The following CPNE8 variants were observed in gnomAD, a reference collection of about 807,000 sequenced individuals.
CPNE8 encodes copine-8.
Under a neutral mutation model 81.5 loss-of-function variants are expected in CPNE8, and 45 were observed. The ratio of observed to expected loss-of-function variants is 0.55; its 90% confidence interval spans 0.44 to 0.71. The LOEUF (loss-of-function observed/expected upper bound fraction) is 0.71, where lower values mean the gene tolerates loss of function less well. CPNE8 is among the 30% of genes least tolerant of loss of function. The pLI is 0.00. For missense variants in CPNE8, 594 were observed against 672.1 expected (o/e 0.88, Z 1.28); for synonymous variants, 252 against 226.3 (o/e 1.11, Z -1.02).
intron 17 of CPNE8, chr12:38,676,376 A>G: frequency 1.2e-6 from 1 of 857,604 alleles, no homozygotes; most frequent in African/African-American, 1.8e-5. Context: ...TCCACTTTCT[A>G]CTCTCAGACA....
chr12:38,803,696 T>A (rs1942746518), intron 6 of CPNE8, among the ~76,000 whole-genome samples: 1 of 150,268 alleles, frequency 6.7e-6, no homozygotes, highest in African/African-American at 2.4e-5. Flanking sequence ...GGTATTCAAT[T>A]AGGAAAAAAA....
At chr12:38,871,257 T>A (rs1210944276) in intron 3 of CPNE8, among the ~76,000 whole-genome samples, 1 of 152,324 alleles carries the variant, frequency 6.6e-6, no homozygotes, top group Non-Finnish European at 1.5e-5. Context: ...CTTTATCCAA[T>A]AAAGTTTCCA....
At chr12:38,792,297 G>GT (rs34511928) in intron 6 of CPNE8, among the ~76,000 whole-genome samples, 56,284 of 145,786 alleles carry the variant, frequency 0.39, 10,955 homozygotes, top group Non-Finnish European at 0.43. Flanking sequence ...GAAACTAAGA[G>GT]TTTTTTTTTT....
chr12:38,757,097 T>C (rs897237041), intron 10 of CPNE8, among the ~76,000 whole-genome samples: 12 of 152,262 alleles, frequency 7.9e-5, no homozygotes, highest in Admixed American at 3.3e-4. Context: ...ATTTCCATTG[T>C]ACAATGTTAG....
At chr12:38,676,155 G>T (rs1326177610) in intron 17 of CPNE8, 29 of 447,716 alleles carry the variant, frequency 6.5e-5, no homozygotes, top group Non-Finnish European at 7.7e-5. Context: ...TAATAATTAA[G>T]AAGCAAATAT....
chr12:38,824,470 C>T (rs1438940980), intron 6 of CPNE8, among the ~76,000 whole-genome samples: 5 of 151,854 alleles, frequency 3.3e-5, no homozygotes, highest in African/African-American at 4.8e-5. Flanking sequence ...AAAAGACTAT[C>T]TCTGAGGAGA....
intron 6 of CPNE8, among the ~76,000 whole-genome samples, chr12:38,798,812 T>C (rs149214428): frequency 0.013 from 1,977 of 152,158 alleles, 51 homozygotes; most frequent in African/African-American, 0.044. Flanking sequence ...CTATCTCACA[T>C]GCAGAGACAC....
At chr12:38,809,467 A>C (rs2136983178) in intron 6 of CPNE8, among the ~76,000 whole-genome samples, 1 of 152,296 alleles carries the variant, frequency 6.6e-6, no homozygotes, top group South Asian at 2.1e-4. Context: ...TCCTATCTTA[A>C]GGTCAGCTAA....
chr12:38,793,914 T>C (rs1942390499), intron 6 of CPNE8, among the ~76,000 whole-genome samples: 1 of 152,030 alleles, frequency 6.6e-6, no homozygotes, highest in South Asian at 2.1e-4. Context: ...AAATACACCC[T>C]AATGTACATG....
chr12:38,851,608 C>T (rs906870153), intron 3 of CPNE8, among the ~76,000 whole-genome samples: 2 of 152,182 alleles, frequency 1.3e-5, no homozygotes, highest in Non-Finnish European at 2.9e-5. Context: ...AGCTTTTCTT[C>T]CCTCTTATGG....
At chr12:38,706,833 C>G (rs1478091608) in intron 13 of CPNE8, among the ~76,000 whole-genome samples, 5 of 152,152 alleles carry the variant, frequency 3.3e-5, no homozygotes, top group Admixed American at 2.6e-4. Flanking sequence ...CTGTTTCTAA[C>G]TTGTTCTCCA....
intron 6 of CPNE8, among the ~76,000 whole-genome samples, chr12:38,819,786 AAAAG>A (rs1943085167): frequency 1.3e-5 from 2 of 151,538 alleles, no homozygotes; most frequent in South Asian, 4.2e-4. Flanking sequence ...AAAAAAAAAA[AAAAG>A]AGCAGAGATA....
At position 38,776,120 on chromosome 12, in the gene CPNE8, TA is replaced by T. The variant is rs550399463; in HGVS notation, c.471+117del. 293 of 425,004 alleles carry T rather than the reference TA, an allele frequency of 6.9e-4. 1 individual carries two copies. In the East Asian group the frequency reaches 0.011, roughly 16 times the overall value. The allele number at this position is 425,004 out of a possible 1,614,324, so 26.3% of individuals were successfully genotyped here. On this transcript the variant is annotated intron_variant, in intron 7 of 19. Coordinates refer to ENST00000331366, the MANE Select transcript of CPNE8 (RefSeq NM_153634.3). The stretch of plus-strand genomic sequence containing the variant: ...GTACCTAAAATGATATTTTATGGGT[TA>T]TAAAATTGTATAACACTTTTGCTAC...
At chr12:38,870,583 G>A (rs1419320137) in intron 3 of CPNE8, among the ~76,000 whole-genome samples, 2 of 152,130 alleles carry the variant, frequency 1.3e-5, no homozygotes, top group African/African-American at 4.8e-5. Context: ...ATAAGTGGGA[G>A]TTAAACAATG....
At chr12:38,698,211 G>A (rs567801020) in intron 14 of CPNE8, among the ~76,000 whole-genome samples, 12 of 152,192 alleles carry the variant, frequency 7.9e-5, no homozygotes, top group African/African-American at 2.6e-4. Flanking sequence ...ATCCTTCTTT[G>A]GAGAAATATC....
At chr12:38,742,633 CAAACCTGCA>C (rs1941134633) in intron 10 of CPNE8, among the ~76,000 whole-genome samples, 1 of 151,174 alleles carries the variant, frequency 6.6e-6, no homozygotes, top group Non-Finnish European at 1.5e-5. Flanking sequence ...AAATATATAA[CAAACCTGCA>C]CATTGTGCAC....
intron 10 of CPNE8, among the ~76,000 whole-genome samples, chr12:38,731,674 T>C (rs942186467): frequency 3.3e-5 from 5 of 151,864 alleles, no homozygotes; most frequent in African/African-American, 7.2e-5. Flanking sequence ...AATATGTTAA[T>C]AGCAAAAAGA....
intron 1 of CPNE8, among the ~76,000 whole-genome samples, chr12:38,882,528 G>A (rs1351069543): frequency 6.6e-6 from 1 of 152,160 alleles, no homozygotes; most frequent in African/African-American, 2.4e-5. Flanking sequence ...AACAGCCACA[G>A]GAAACGAGTA....
chr12:38,700,703 T>C (rs1179228732), intron 14 of CPNE8, among the ~76,000 whole-genome samples: 2 of 152,200 alleles, frequency 1.3e-5, no homozygotes, highest in African/African-American at 4.8e-5. Flanking sequence ...TCTTGAATTG[T>C]AGCTCCCATA....
Sources: gnomAD v4.1 joint callset for allele counts (sites outside exome capture counted in the v4.1 genomes callset) on GRCh38, gnomAD v4.1.1 for gene constraint, MANE v1.5 for transcripts, NCBI Gene and HGNC (gene_info 2026-07-23, HGNC 2026-07-21) for gene names.